Variants in ETS1 observed in about 807,000 individuals in gnomAD.
ETS1 encodes ETS proto-oncogene 1, transcription factor.
In ETS1, 15 loss-of-function variants were observed where a neutral mutation model predicts 58.6. The observed-to-expected ratio is 0.26, with a 90% CI of 0.17 to 0.39. The LOEUF is 0.39. Ranked by LOEUF, ETS1 falls within the 10% of genes least tolerant of loss-of-function variation. The pLI is 1.00. For missense variants in ETS1, 417 were observed against 610.5 expected (o/e 0.68, Z 3.34); for synonymous variants, 214 against 218.2 (o/e 0.98, Z 0.17).
At chr11:128,571,037 A>G (rs1449231526) in intron 2 of ETS1, among the ~76,000 whole-genome samples, 1 of 152,264 alleles carries the variant, frequency 6.6e-6, no homozygotes, top group South Asian at 2.1e-4. Context: ...TGTGGTAAAA[A>G]CAGCTACTGA....
intron 2 of ETS1, among the ~76,000 whole-genome samples, chr11:128,562,682 G>C (rs181681717): frequency 6.6e-6 from 1 of 152,286 alleles, no homozygotes; most frequent in Admixed American, 6.5e-5. Context: ...CCTTGGTCCT[G>C]CTCTGCTCTG....
chr11:128,547,838 A>C (rs1254690511), intron 3 of ETS1, among the ~76,000 whole-genome samples: 1 of 152,074 alleles, frequency 6.6e-6, no homozygotes, highest in Non-Finnish European at 1.5e-5. Flanking sequence ...TGACTAGATC[A>C]AGATGTGGGG....
At chr11:128,500,699 A>C (rs1484976312) in intron 3 of ETS1, among the ~76,000 whole-genome samples, 3 of 152,240 alleles carry the variant, frequency 2.0e-5, no homozygotes, top group East Asian at 3.8e-4. Context: ...GAAAAATAAG[A>C]ATACGCAAGT....
chr11:128,583,608 G>A (rs768264631), intron 1 of ETS1, among the ~76,000 whole-genome samples: 4 of 152,038 alleles, frequency 2.6e-5, no homozygotes, highest in Admixed American at 6.6e-5. Flanking sequence ...TTATGCATCT[G>A]GAATTATTTC....
intron 3 of ETS1, among the ~76,000 whole-genome samples, chr11:128,513,519 G>C (rs1255260455): frequency 1.3e-5 from 2 of 152,148 alleles, no homozygotes; most frequent in African/African-American, 4.8e-5. Context: ...ATTCCTACTG[G>C]TAAGGAACAA....
intron 3 of ETS1, among the ~76,000 whole-genome samples, chr11:128,538,387 T>G (rs530528584): frequency 6.6e-6 from 1 of 152,322 alleles, no homozygotes; most frequent in South Asian, 2.1e-4. Context: ...CAGATCTGCA[T>G]TCTTCACAAA....
intron 3 of ETS1, among the ~76,000 whole-genome samples, chr11:128,501,237 C>A (rs867428347): frequency 1.3e-5 from 2 of 152,162 alleles, no homozygotes; most frequent in African/African-American, 4.8e-5. Flanking sequence ...GCATCACAAG[C>A]ATTCATAGGT....
At chr11:128,531,182 G>A (rs1162303281) in intron 3 of ETS1, among the ~76,000 whole-genome samples, 1 of 152,196 alleles carries the variant, frequency 6.6e-6, no homozygotes, top group African/African-American at 2.4e-5. Context: ...GCAGTAAATA[G>A]ACGAGAGTTT....
chr11:128,505,216 A>G (rs1437353970), intron 3 of ETS1: 2 of 152,236 alleles, frequency 1.3e-5, no homozygotes, highest in Admixed American at 1.3e-4. Flanking sequence ...TGGTATTCCA[A>G]ATAGGGTCAC....
chr11:128,479,977 G>C (rs1013148703), intron 8 of ETS1, among the ~76,000 whole-genome samples: 2 of 151,752 alleles, frequency 1.3e-5, no homozygotes, highest in Admixed American at 6.6e-5. Flanking sequence ...TGATCCCTTT[G>C]AAGAGAATGA....
chr11:128,573,168 G>A (rs1449153904), intron 1 of ETS1, 24 bp from the exon 2 acceptor site: 2 of 1,503,014 alleles, frequency 1.3e-6, no homozygotes, highest in South Asian at 1.2e-5. Context: ...GGCGTTGGCT[G>A]AGCCTCTGGA....
chr11:128,494,140 G>A (rs1290970311), intron 3 of ETS1, among the ~76,000 whole-genome samples: 1 of 152,120 alleles, frequency 6.6e-6, no homozygotes, highest in Non-Finnish European at 1.5e-5. Context: ...AATCTCCTTT[G>A]TGCTAATAAT....
intron 3 of ETS1, 116 bp from the exon 4 acceptor site, chr11:128,490,692 C>A: frequency 1.5e-6 from 1 of 654,202 alleles, no homozygotes; most frequent in Admixed American, 2.9e-5. Context: ...CTAGCATCCT[C>A]ACCAGAGCAC....
chr11:128,561,824 G>C (rs1864409877), intron 2 of ETS1, among the ~76,000 whole-genome samples: 1 of 152,190 alleles, frequency 6.6e-6, no homozygotes, highest in Admixed American at 6.5e-5. Flanking sequence ...GGTCTCTAAG[G>C]TGAATGCATG....
At chr11:128,470,776 T>C (rs1862166888) in intron 8 of ETS1, among the ~76,000 whole-genome samples, 1 of 152,060 alleles carries the variant, frequency 6.6e-6, no homozygotes, top group Non-Finnish European at 1.5e-5. Context: ...TTTGAAAAAG[T>C]AGAAAGTTGG....
At chr11:128,572,336 A>G (rs1177615246) in intron 2 of ETS1, 1 of 152,192 alleles carries the variant, frequency 6.6e-6, no homozygotes, top group Non-Finnish European at 1.5e-5. Flanking sequence ...AAAAAATTCA[A>G]CATTTATGAT....
At chr11:128,505,068 G>T (rs1030509505) in intron 3 of ETS1, 1 of 152,188 alleles carries the variant, frequency 6.6e-6, no homozygotes, top group Non-Finnish European at 1.5e-5. Context: ...AAATTTGAGG[G>T]TGCTATTCCT....
rs56788702 is a variant in ETS1, at chr11:128,504,226, T to C, written c.215-13650A>G. 1.3e-3 allele frequency among the ~76,000 whole-genome samples: 191 copies of C among 152,362 alleles called. 4 individuals carry two copies. The East Asian group carries it at 0.035, about 28-fold the overall frequency. ...GGTTTGTGTAGACCTACCTAATCTA[T>C]AATTTTGGCCTCTATATCTCTTTGG... On this transcript the variant is annotated intron_variant, in intron 3 of 9. Transcript: ENST00000392668.
chr11:128,543,147 C>T lies in ETS1; in HGVS notation c.214+13144G>A, dbSNP rs188505582. On this transcript the variant is annotated intron_variant, in intron 3 of 9. Coordinates refer to ENST00000392668, the MANE Select transcript of ETS1 (RefSeq NM_001143820.2). ...GGCGGAAGTTGCAGTGAGCCCAGAT[C>T]GTGCCATTGCACTCCAGTCCTGGCA... Among the ~76,000 whole-genome samples the T allele has an allele frequency of 5.3e-5, 8 of 149,910 alleles. No homozygotes were observed. The East Asian group carries it at 1.6e-3, about 29-fold the overall frequency.
Sources: gnomAD v4.1 joint callset for allele counts (sites outside exome capture counted in the v4.1 genomes callset) on GRCh38, gnomAD v4.1.1 for gene constraint, MANE v1.5 for transcripts, NCBI Gene and HGNC (gene_info 2026-07-23, HGNC 2026-07-21) for gene names.